The following ROBO1 variants were observed in gnomAD, a reference collection of about 807,000 sequenced individuals.
ROBO1 encodes the protein roundabout homolog 1.
Under a neutral mutation model 195.9 loss-of-function variants are expected in ROBO1, and 149 were observed. The ratio of observed to expected loss-of-function variants is 0.76; its 90% CI spans 0.67 to 0.87. ROBO1 has a LOEUF of 0.87. Among genes scored for constraint, ROBO1 ranks in the 40% least tolerant of loss-of-function variants. The pLI, the probability that ROBO1 is intolerant of heterozygous loss-of-function variation, is 0.00. For missense variants in ROBO1, 1,933 were observed against 2,068.3 expected, an observed-to-expected ratio of 0.93 and a Z score of 1.27; for synonymous variants, 816 against 733.2, an observed-to-expected ratio of 1.11 and a Z score of -1.82.
At chr3:79,547,709 T>C (rs1228447730) in intron 2 of ROBO1, among the ~76,000 whole-genome samples, 1 of 152,152 alleles carries the variant, frequency 6.6e-6, no homozygotes, top group Non-Finnish European at 1.5e-5. Flanking sequence ...TTGGGAGGAT[T>C]CTTGAAAACC....
chr3:79,651,454 G>C (rs1434980978), intron 1 of ROBO1, among the ~76,000 whole-genome samples: 2 of 152,050 alleles, frequency 1.3e-5, no homozygotes, highest in Non-Finnish European at 2.9e-5. Flanking sequence ...TTATGTGTGA[G>C]AGAGTTAATT....
intron 2 of ROBO1, among the ~76,000 whole-genome samples, chr3:79,229,469 T>C (rs2082284508): frequency 6.6e-6 from 1 of 152,152 alleles, no homozygotes; most frequent in Admixed American, 6.5e-5. Context: ...CTTTCAGAGA[T>C]GGGATCTTGC....
chr3:79,144,477 CT>C (rs1366416646), intron 2 of ROBO1, among the ~76,000 whole-genome samples: 1 of 151,844 alleles, frequency 6.6e-6, no homozygotes, highest in African/African-American at 2.4e-5. Flanking sequence ...TCCTTTCCTT[CT>C]TCTAAATCTT....
chr3:78,675,233 G>A (rs147542598), intron 10 of ROBO1, among the ~76,000 whole-genome samples: 1 of 151,866 alleles, frequency 6.6e-6, no homozygotes, highest in African/African-American at 2.4e-5. Context: ...CTCCCAGCGT[G>A]AGCGACGCAG....
chr3:79,027,812 A>G lies in ROBO1; in HGVS notation c.173-88885T>C, dbSNP rs571424119. Among the ~76,000 whole-genome samples, 5 of 152,064 alleles carry G rather than the reference A, an allele frequency of 3.3e-5. No individual in the cohort carries two copies. The South Asian group carries it at 1.0e-3, about 32-fold the overall frequency. ...TTTAAAGCTGCTTTATTACACCTAG[A>G]AGGTAGAATTTCACTTGTAACACCA... On this transcript the variant is annotated intron_variant, in intron 3 of 30. Transcript: ENST00000464233.
chr3:78,634,334 T>C (rs1450771742), intron 23 of ROBO1: 1 of 165,790 alleles, frequency 6.0e-6, no homozygotes, highest in African/African-American at 2.4e-5. Flanking sequence ...AAAATAAAAC[T>C]GAAACCTGTC....
At chr3:79,181,808 C>T (rs1365289933) in intron 2 of ROBO1, among the ~76,000 whole-genome samples, 3 of 151,624 alleles carry the variant, frequency 2.0e-5, no homozygotes, top group Non-Finnish European at 2.9e-5. Flanking sequence ...TGACAGTAGT[C>T]CCAGCTACTT....
In ROBO1 at chr3:79,086,548, AAAGAT is replaced by A. The variant is rs538147663; in HGVS notation, c.172+38903_172+38907del. Among the ~76,000 whole-genome samples the A allele has an allele frequency of 6.6e-4, 101 of 152,330 alleles. No homozygotes were observed. In the Middle Eastern group the frequency reaches 0.01, roughly 15 times the overall value. ...ACATTATCTATAAGAATACCTGAGA[AAAGAT>A]AAGCTGCCCAGACAGCTGAAGAAAA... On this transcript the variant is annotated intron_variant, in intron 3 of 30. Transcript: ENST00000464233.
chr3:79,595,980 A>G (rs2107842559), intron 1 of ROBO1, among the ~76,000 whole-genome samples: 1 of 151,952 alleles, frequency 6.6e-6, no homozygotes, highest in South Asian at 2.1e-4. Context: ...TGCATGTAAC[A>G]GATGAATCAC....
chr3:79,335,577 G>C (rs2034632264), intron 2 of ROBO1, among the ~76,000 whole-genome samples: 1 of 152,174 alleles, frequency 6.6e-6, no homozygotes, highest in South Asian at 2.1e-4. Flanking sequence ...CTTCTGCCAT[G>C]ATTGTAAGTT....
chr3:78,837,286 A>G (rs2032823213), intron 4 of ROBO1, among the ~76,000 whole-genome samples: 2 of 152,146 alleles, frequency 1.3e-5, no homozygotes, highest in Non-Finnish European at 2.9e-5. Flanking sequence ...TTATTGAGTT[A>G]ATAGACAAAT....
intron 3 of ROBO1, among the ~76,000 whole-genome samples, chr3:78,983,970 T>C (rs2108007162): frequency 6.6e-6 from 1 of 152,228 alleles, no homozygotes; most frequent in East Asian, 1.9e-4. Flanking sequence ...TCCAATAAGG[T>C]GAAACATAAA....
At chr3:79,583,390 AT>A (rs1322603427) in intron 2 of ROBO1, among the ~76,000 whole-genome samples, 1 of 151,996 alleles carries the variant, frequency 6.6e-6, no homozygotes, top group Non-Finnish European at 1.5e-5. Flanking sequence ...AGTTCATATT[AT>A]CTACAAATTA....
chr3:78,884,648 A>AGAAAGAAAGAAAGAAAGAAAGG (rs2036412869), intron 4 of ROBO1, among the ~76,000 whole-genome samples: 1 of 107,430 alleles, frequency 9.3e-6, no homozygotes, highest in African/African-American at 3.7e-5. Context: ...AGAAAGAAAG[A>AGAAAGAAAGAAAGAAAGAAAGG]AAGGAAGGAA....
intron 4 of ROBO1, among the ~76,000 whole-genome samples, chr3:78,893,379 A>G (rs1212026055): frequency 6.6e-6 from 1 of 152,156 alleles, no homozygotes; most frequent in Non-Finnish European, 1.5e-5. Context: ...TGGAAGATGC[A>G]ACAATAAGGT....
intron 2 of ROBO1, among the ~76,000 whole-genome samples, chr3:79,468,125 T>C (rs764487703): frequency 2.1e-4 from 32 of 152,138 alleles, no homozygotes; most frequent in Non-Finnish European, 3.7e-4. Flanking sequence ...ACAAAACAAA[T>C]ATATAATGAA....
intron 2 of ROBO1, among the ~76,000 whole-genome samples, chr3:79,439,288 G>A (rs2038981354): frequency 1.3e-5 from 2 of 152,066 alleles, no homozygotes; most frequent in South Asian, 4.1e-4. Flanking sequence ...AGAAGCCAAT[G>A]AGGATGTATA....
intron 2 of ROBO1, among the ~76,000 whole-genome samples, chr3:79,550,190 A>AG (rs1553762925): frequency 0.012 from 1,194 of 101,386 alleles, 38 homozygotes; most frequent in African/African-American, 0.023. Flanking sequence ...AAAGAAAGAA[A>AG]GAAAGGAAAA....
At chr3:79,550,457 G>T (rs1337868971) in intron 2 of ROBO1, among the ~76,000 whole-genome samples, 1 of 152,118 alleles carries the variant, frequency 6.6e-6, no homozygotes, top group Non-Finnish European at 1.5e-5. Flanking sequence ...ATGCACTTTA[G>T]TAAATAGCTC....
Sources: allele counts gnomAD v4.1 joint callset (sites outside exome capture counted in the v4.1 genomes callset), GRCh38; gene constraint gnomAD v4.1.1; transcripts MANE v1.5; gene names NCBI Gene and HGNC (gene_info 2026-07-23, HGNC 2026-07-21).